The following DOCK5 variants were observed in gnomAD, a reference collection of about 807,000 sequenced individuals.
DOCK5 encodes dedicator of cytokinesis protein 5.
In DOCK5, 142 loss-of-function variants were observed where a neutral mutation model predicts 251.8. The observed-to-expected ratio is 0.56, with a 90% CI of 0.49 to 0.65. The LOEUF is 0.65. Among genes scored for constraint, DOCK5 ranks in the 30% least tolerant of loss-of-function variants. DOCK5 has a pLI of 0.00. For missense variants in DOCK5, 2,111 were observed against 2,312.3 expected (o/e 0.91, Z 1.79); for synonymous variants, 842 against 835.5 (o/e 1.01, Z -0.13).
intron 26 of DOCK5, among the ~76,000 whole-genome samples, chr8:25,348,917 T>A (rs1800419018): frequency 6.6e-6 from 1 of 152,126 alleles, no homozygotes; most frequent in South Asian, 2.1e-4. Context: ...GGAGCCTTAT[T>A]CATTTCATAC....
At position 25,317,139 on chromosome 8, in the gene DOCK5, G is replaced by C; in HGVS notation, c.1443+8G>C. ...GAGGGCAAGCTCTTGGAGGTGCGCG[G>C]CATGGCCCAGAAATCCTGCTACCAT... On this transcript the variant is annotated splice_region_variant and intron_variant, in intron 14 of 51. Transcript: ENST00000276440. 1 of 1,611,478 alleles carries C rather than the reference G, an allele frequency of 6.2e-7. No individual in the cohort carries two copies. Among genetic ancestry groups the C allele is most frequent in the Non-Finnish European group, 8.5e-7 (1 of 1,178,218 alleles).
intron 9 of DOCK5, among the ~76,000 whole-genome samples, chr8:25,301,855 T>A (rs1055154847): frequency 3.9e-5 from 6 of 152,222 alleles, no homozygotes; most frequent in African/African-American, 1.4e-4. Context: ...GCAGTGCCTG[T>A]CTCATAGTTG....
intron 2 of DOCK5, among the ~76,000 whole-genome samples, chr8:25,254,293 A>T (rs1052955715): frequency 2.6e-5 from 4 of 152,210 alleles, no homozygotes; most frequent in Admixed American, 1.3e-4. Context: ...CTTAGAATAT[A>T]ATAACATGGA....
intron 1 of DOCK5, among the ~76,000 whole-genome samples, chr8:25,228,428 T>G (rs1220112032): frequency 6.6e-6 from 1 of 152,216 alleles, no homozygotes; most frequent in African/African-American, 2.4e-5. Context: ...GTGACTTTGA[T>G]TGAAGTGGCA....
At chr8:25,326,369 G>A (rs1271756627) in intron 18 of DOCK5, among the ~76,000 whole-genome samples, 2 of 152,104 alleles carry the variant, frequency 1.3e-5, no homozygotes, top group Admixed American at 1.3e-4. Flanking sequence ...GTAAACCCAG[G>A]GATCAGATCC....
chr8:25,359,610 T>C (rs1265884353), intron 28 of DOCK5, among the ~76,000 whole-genome samples: 1 of 152,222 alleles, frequency 6.6e-6, no homozygotes, highest in Admixed American at 6.5e-5. Flanking sequence ...TAGATTCTCA[T>C]AGGAGCTGAA....
chr8:25,397,566 T>G (rs1379851934), intron 45 of DOCK5, among the ~76,000 whole-genome samples: 1 of 152,232 alleles, frequency 6.6e-6, no homozygotes, highest in Non-Finnish European at 1.5e-5. Context: ...GCCATAATAA[T>G]ATCCAGTGTT....
At chr8:25,249,229 G>T (rs532894540) in intron 2 of DOCK5, among the ~76,000 whole-genome samples, 3 of 152,066 alleles carry the variant, frequency 2.0e-5, no homozygotes, top group Non-Finnish European at 2.9e-5. Context: ...TGGAACTCCC[G>T]GCCCTTAGCG....
intron 30 of DOCK5, among the ~76,000 whole-genome samples, chr8:25,366,448 C>G (rs1305750923): frequency 6.6e-6 from 1 of 152,184 alleles, no homozygotes; most frequent in Non-Finnish European, 1.5e-5. Flanking sequence ...GATTGTACCA[C>G]TGTACTCCAG....
At chr8:25,259,443 A>G (rs1803510759) in intron 2 of DOCK5, among the ~76,000 whole-genome samples, 1 of 152,024 alleles carries the variant, frequency 6.6e-6, no homozygotes, top group African/African-American at 2.4e-5. Context: ...TCTTTCTTTA[A>G]TTAATTTATT....
chr8:25,205,320 A>G (rs1225802051), intron 1 of DOCK5, among the ~76,000 whole-genome samples: 2 of 152,108 alleles, frequency 1.3e-5, no homozygotes, highest in African/African-American at 4.8e-5. Flanking sequence ...GGATACAATG[A>G]GAGGGTGGCC....
At chr8:25,204,920 A>G (rs953041832) in intron 1 of DOCK5, among the ~76,000 whole-genome samples, 3 of 152,128 alleles carry the variant, frequency 2.0e-5, no homozygotes, top group African/African-American at 7.2e-5. Context: ...ACAAATTCCT[A>G]TGTTGAAGCC....
chr8:25,269,966 A>G (rs915650083), intron 3 of DOCK5, among the ~76,000 whole-genome samples: 2 of 152,190 alleles, frequency 1.3e-5, no homozygotes, highest in Admixed American at 1.3e-4. Context: ...GGCCCAGGAA[A>G]ACACCTTTCT....
intron 26 of DOCK5, among the ~76,000 whole-genome samples, chr8:25,348,854 A>T (rs1800415836): frequency 6.6e-6 from 1 of 151,132 alleles, no homozygotes; most frequent in Non-Finnish European, 1.5e-5. Context: ...AAAAAAAAAA[A>T]TTTATGTACC....
intron 1 of DOCK5, among the ~76,000 whole-genome samples, chr8:25,220,535 G>C (rs1257527328): frequency 7.2e-6 from 1 of 138,372 alleles, no homozygotes. Context: ...GTCACAGCAC[G>C]TTTCATGTGT....
At chr8:25,310,716 T>C (rs1211966174) in intron 13 of DOCK5, among the ~76,000 whole-genome samples, 184 bp downstream of exon 13, 1 of 152,202 alleles carries the variant, frequency 6.6e-6, no homozygotes, top group Non-Finnish European at 1.5e-5. Flanking sequence ...AATTTGTCAT[T>C]ATTACAAATA....
In DOCK5 at chr8:25,374,670, A is replaced by T; in HGVS notation, c.3816+16A>T. The T allele has an allele frequency of 6.2e-7, 1 of 1,613,816 alleles. No homozygotes were observed. The highest frequency in any genetic ancestry group is 1.1e-5 in the South Asian group (1 of 91,072). On this transcript the variant is annotated intron_variant, in intron 37 of 51. Coordinates refer to ENST00000276440, the MANE Select transcript of DOCK5 (RefSeq NM_024940.8). ...GCTTCTGCAGGTGAATGGCTCAGAGAGCTTGTTTCAACAGGGTGGAGTACA... is the reference window on the plus strand; with the variant it reads ...GCTTCTGCAGGTGAATGGCTCAGAGTGCTTGTTTCAACAGGGTGGAGTACA...
intron 38 of DOCK5, 63 bp downstream of exon 38, chr8:25,377,487 A>G: frequency 6.5e-7 from 1 of 1,545,294 alleles, no homozygotes; most frequent in Non-Finnish European, 8.7e-7. Flanking sequence ...TCGCAATACA[A>G]TTCTGATGCT....
intron 1 of DOCK5, among the ~76,000 whole-genome samples, chr8:25,227,945 C>T (rs957416967): frequency 9.2e-5 from 14 of 152,126 alleles, no homozygotes; most frequent in African/African-American, 3.1e-4. Context: ...AGTGCAGTGG[C>T]AGGATCATGG....
Sources: gnomAD v4.1 joint callset for allele counts (sites outside exome capture counted in the v4.1 genomes callset) on GRCh38, gnomAD v4.1.1 for gene constraint, MANE v1.5 for transcripts, NCBI Gene and HGNC (gene_info 2026-07-23, HGNC 2026-07-21) for gene names.